The following NBPF19 variants were observed in gnomAD, a reference collection of about 807,000 sequenced individuals.
NBPF19 encodes NBPF family member NBPF19.
A neutral mutation model predicts 45.9 loss-of-function variants in NBPF19; 30 were observed. That is an observed-to-expected ratio of 0.65 (90% CI 0.49 to 0.89). The LOEUF (loss-of-function observed/expected upper bound fraction) is 0.89, where lower values mean the gene tolerates loss of function less well. Ranked by LOEUF, NBPF19 falls within the 40% of genes least tolerant of loss-of-function variation. The pLI is 0.00. For missense variants in NBPF19, 495 were observed against 471.8 expected, an observed-to-expected ratio of 1.05 and a Z score of -0.46; for synonymous variants, 183 against 181.2, an observed-to-expected ratio of 1.01 and a Z score of -0.08.
intron 7 of NBPF19, among the ~76,000 whole-genome samples, chr1:149,484,448 T>C (rs2085391097): frequency 6.9e-6 from 1 of 144,824 alleles, no homozygotes; most frequent in East Asian, 2.2e-4. Context: ...TATACATATG[T>C]AACTAACCTG....
At position 149,487,532 on chromosome 1, in the gene NBPF19, G is replaced by C. The variant is rs1196017578; in HGVS notation, c.1040+149G>C. The C allele has an allele frequency of 5.4e-5, 53 of 988,046 alleles. 1 individual carries two copies. The highest frequency in any genetic ancestry group is 7.7e-5 in the Non-Finnish European group (48 of 626,000). The allele number at this position is 988,046 out of a possible 1,614,324, so 61.2% of individuals were successfully genotyped here. On this transcript the variant is annotated intron_variant, in intron 9 of 93. Transcript: ENST00000651566. ...ATACATTGCTTTTTTGTTCTCATTA[G>C]AGTAAATGTTTAGGTTTCCATTTCT...
chr1:149,554,665 A>G lies in NBPF19; in HGVS notation c.11459A>G (p.Asp3820Gly). Residue 3820 changes from aspartate to glycine, a missense_variant, in exon 94 of 94, where the codon GAC becomes GGC. Asp to Gly is a moderately conservative substitution (Grantham distance 94). Around this residue, in one of 8 missense-constraint regions of NBPF19, gnomAD observed 248 missense variants for 95.4 expected, o/e 2.60. Transcript: ENST00000651566. Reference protein sequence around the residue: ...EEHISFALYLDNRFFTLTVTS... With the variant: ...EEHISFALYLGNRFFTLTVTS... Reference sequence around the variant, plus strand: ...CATATCAGCTTCGCCCTTTACTTGGACAATAGGTTTTTTACTTTGACGGTG... The same window carrying G: ...CATATCAGCTTCGCCCTTTACTTGGGCAATAGGTTTTTTACTTTGACGGTG... 1.2e-6 allele frequency: 2 copies of G among 1,608,204 alleles called. No individual in the cohort carries two copies. The highest frequency in any genetic ancestry group is 1.7e-6 in the Non-Finnish European group (2 of 1,176,710).
In NBPF19 at chr1:149,487,419, T is replaced by A. The variant is rs1329794563; in HGVS notation, c.1040+36T>A. The A allele has an allele frequency of 1.8e-5, 20 of 1,125,542 alleles. 1 individual carries two copies. The highest frequency in any genetic ancestry group is 2.5e-5 in the Non-Finnish European group (19 of 749,318). 69.7% of individuals were successfully genotyped at this position (1,125,542 alleles called of 1,614,324 possible). Reference sequence around the variant, plus strand: ...GAAATTGTGGACAGTTAATTTGATGTTGACACCTGGAGATGCCAAGTCCAG... The same window carrying A: ...GAAATTGTGGACAGTTAATTTGATGATGACACCTGGAGATGCCAAGTCCAG... On this transcript the variant is annotated intron_variant, in intron 9 of 93. Transcript: ENST00000651566.
chr1:149,554,919 A>G lies in NBPF19; in HGVS notation c.*181A>G. The stretch of plus-strand genomic sequence containing the variant: ...CCTGTGCTCAGTCTGAAGACAATGG[A>G]CCCACGTTAGGTGTGACACGTTCAC... On this transcript the variant is annotated 3_prime_UTR_variant, in exon 94 of 94. Coordinates refer to ENST00000651566, the MANE Select transcript of NBPF19 (RefSeq NM_001351365.2). The G allele has an allele frequency of 8.9e-7, 1 of 1,119,330 alleles. No individual in the cohort carries two copies. The highest frequency in any genetic ancestry group is 1.5e-5 in the South Asian group (1 of 66,464). The allele number at this position is 1,119,330 out of a possible 1,614,324, so 69.3% of individuals were successfully genotyped here. A position where few individuals can be genotyped will look rare whatever the true frequency, so the allele number is the denominator to read the frequency against.
intron 17 of NBPF19, among the ~76,000 whole-genome samples, 188 bp from the exon 18 acceptor site, chr1:149,494,130 C>G (rs1362179790): frequency 3.7e-5 from 5 of 133,840 alleles, no homozygotes; most frequent in African/African-American, 1.7e-4. Context: ...CTCTCCCTGT[C>G]TTTCTCTTTC....
chr1:149,488,480 A>G (rs1334831199), intron 10 of NBPF19, among the ~76,000 whole-genome samples: 2 of 124,876 alleles, frequency 1.6e-5, no homozygotes, highest in African/African-American at 3.1e-5. Context: ...TTTTGTCTCA[A>G]TTTTGTAGAT....
intron 51 of NBPF19, among the ~76,000 whole-genome samples, chr1:149,521,104 G>A (rs1396747502): frequency 1.3e-5 from 1 of 78,886 alleles, no homozygotes; most frequent in African/African-American, 5.1e-5. Context: ...CTCTGTCTCT[G>A]TCTCTCTCTC....
chr1:149,484,502 A>AG (rs2085396560), intron 7 of NBPF19, among the ~76,000 whole-genome samples: 1 of 145,462 alleles, frequency 6.9e-6, no homozygotes, highest in Admixed American at 7.0e-5. Context: ...ATTAAAAAAA[A>AG]TATATATATA....
chr1:149,521,400 T>A lies in NBPF19; in HGVS notation c.6246T>A (p.Gly2082=). Residue 2082 remains glycine (G), a synonymous_variant, in exon 52 of 94, where the codon GGT becomes GGA. Coordinates refer to ENST00000651566, the MANE Select transcript of NBPF19 (RefSeq NM_001351365.2). ...ATAGATGTTATTCAACTCCTTCAGG[T>A]TGTCTTGAACTGACTGACTCATGCC... ...SLDRCYSTPS[G]CLELTDSCQP... 5.3e-6 allele frequency: 1 copy of A among 190,326 alleles called. No individual in the cohort carries two copies. Among genetic ancestry groups the A allele is most frequent in the East Asian group, 7.5e-5 (1 of 13,296 alleles). 11.8% of individuals were successfully genotyped at this position (190,326 alleles called of 1,614,324 possible). A position where few individuals can be genotyped will look rare whatever the true frequency, so the allele number is the denominator to read the frequency against.
intron 61 of NBPF19, among the ~76,000 whole-genome samples, 178 bp downstream of exon 61, chr1:149,528,725 C>A (rs1441788133): frequency 8.6e-6 from 1 of 116,532 alleles, no homozygotes; most frequent in Non-Finnish European, 1.8e-5. Flanking sequence ...TTTCTTCCTC[C>A]CCTTATCATT....
At chr1:149,521,086 GTCTC>G (rs1332010239) in intron 51 of NBPF19, among the ~76,000 whole-genome samples, 1 of 78,746 alleles carries the variant, frequency 1.3e-5, no homozygotes. Context: ...CTCTGTCTCT[GTCTC>G]TCTCTCTGTC....
chr1:149,554,108 T>C (rs2087130488), intron 93 of NBPF19, among the ~76,000 whole-genome samples: 1 of 136,764 alleles, frequency 7.3e-6, no homozygotes, highest in Non-Finnish European at 1.6e-5. Context: ...AGCTGTACTC[T>C]CATGGCCACT....
Position 149,494,119 on chromosome 1 carries a change from C to T in NBPF19, c.1998-199C>T, listed in dbSNP as rs1203081252. Among the ~76,000 whole-genome samples, 33 of 134,464 alleles carry T rather than the reference C, an allele frequency of 2.5e-4. No homozygotes were observed. In the South Asian group the frequency reaches 8.0e-3, roughly 33 times the overall value. 88.2% of individuals were successfully genotyped at this position (134,464 alleles called of 152,430 possible). On this transcript the variant is annotated intron_variant, in intron 17 of 93. Transcript: ENST00000651566. Reference sequence around the variant, plus strand: ...CTCTCTCTCTCTCTCTCTCTCTCTCCCTCTCCCTGTCTTTCTCTTTCATTC... The same window carrying T: ...CTCTCTCTCTCTCTCTCTCTCTCTCTCTCTCCCTGTCTTTCTCTTTCATTC...
At chr1:149,477,278 T>C (rs1357141638) in intron 2 of NBPF19, among the ~76,000 whole-genome samples, 1 of 151,198 alleles carries the variant, frequency 6.6e-6, no homozygotes, top group Non-Finnish European at 1.5e-5. Flanking sequence ...AAACACTATC[T>C]ATTAGTTCTT....
At chr1:149,478,834 A>G in intron 3 of NBPF19, 46 bp from the exon 4 acceptor site, 1 of 1,474,674 alleles carries the variant, frequency 6.8e-7, no homozygotes, top group African/African-American at 1.4e-5. Context: ...TGAACGGATC[A>G]CTCAACCCTT....
chr1:149,554,349 A>G (rs1191075288), intron 93 of NBPF19, 146 bp from the exon 94 acceptor site: 2 of 1,488,908 alleles, frequency 1.3e-6, no homozygotes, highest in Non-Finnish European at 1.8e-6. Context: ...CCCAACATAA[A>G]GGCAATAAAT....
At chr1:149,478,512 C>A (rs2084983647) in intron 3 of NBPF19, among the ~76,000 whole-genome samples, 6 of 151,210 alleles carry the variant, frequency 4.0e-5, no homozygotes, top group African/African-American at 1.5e-4. Context: ...CATTTCTGTA[C>A]ATGGCTTTGT....
intron 61 of NBPF19, among the ~76,000 whole-genome samples, chr1:149,528,943 CTCTGTGTGTGTGTG>C (rs2086910716): frequency 8.0e-6 from 1 of 125,338 alleles, no homozygotes; most frequent in African/African-American, 3.2e-5. Context: ...CGTTCTCTCT[CTCTGTGTGTGTGTG>C]TGTGTGTGTG....
chr1:149,487,154 A>T (rs1220305033), intron 8 of NBPF19, among the ~76,000 whole-genome samples, 178 bp from the exon 9 acceptor site: 7 of 151,142 alleles, frequency 4.6e-5, no homozygotes, highest in African/African-American at 1.7e-4. Context: ...AAGGCTCATG[A>T]AAGAACCCAA....
Sources: gnomAD v4.1 joint callset for allele counts (sites outside exome capture counted in the v4.1 genomes callset) on GRCh38, gnomAD v4.1.1 for gene constraint, gnomAD v4.1.1 regional missense constraint, MANE v1.5 for transcripts, NCBI Gene and HGNC (gene_info 2026-07-23, HGNC 2026-07-21) for gene names.